Variants in CFTR observed in about 807,000 individuals in gnomAD.
CFTR encodes cystic fibrosis transmembrane conductance regulator.
Under a neutral mutation model 171.6 loss-of-function variants are expected in CFTR, and 181 were observed. The observed-to-expected ratio is 1.05, with a 90% CI of 0.93 to 1.19. The LOEUF is 1.19. Among genes scored for constraint, CFTR ranks in the 50% most tolerant of loss-of-function variants. CFTR has a pLI of 0.00. For missense variants in CFTR, 1,968 were observed against 1,734.7 expected (o/e 1.13, Z -2.39); for synonymous variants, 583 against 608.0 (o/e 0.96, Z 0.60).
chr7:117,566,815 C>T (rs970060991), intron 11 of CFTR, among the ~76,000 whole-genome samples: 1 of 152,194 alleles, frequency 6.6e-6, no homozygotes, highest in African/African-American at 2.4e-5. Context: ...CAACTTCACC[C>T]AGAGTTTGCA....
chr7:117,522,312 T>C (rs1001286721), intron 3 of CFTR, among the ~76,000 whole-genome samples: 1 of 152,232 alleles, frequency 6.6e-6, no homozygotes, highest in African/African-American at 2.4e-5. Context: ...TAATCAGAGA[T>C]GTTAGCACTG....
chr7:117,566,296 G>A lies in CFTR; in HGVS notation c.1584+6641G>A, dbSNP rs571682226. 2.8e-5 allele frequency among the ~76,000 whole-genome samples: 4 copies of A among 145,296 alleles called. No individual in the cohort carries two copies. In the South Asian group the frequency reaches 6.6e-4, roughly 24 times the overall value. Reference sequence around the variant, plus strand: ...ACACACACACACACACTAGCCAGGCGTGGTGGTGCACGTTTGTAGTCCAAG... The same window carrying A: ...ACACACACACACACACTAGCCAGGCATGGTGGTGCACGTTTGTAGTCCAAG... On this transcript the variant is annotated intron_variant, in intron 11 of 26. Coordinates refer to ENST00000003084, the MANE Select transcript of CFTR (RefSeq NM_000492.4).
At chr7:117,562,614 C>T (rs1273685198) in intron 11 of CFTR, among the ~76,000 whole-genome samples, 1 of 152,138 alleles carries the variant, frequency 6.6e-6, no homozygotes, top group African/African-American at 2.4e-5. Context: ...TTATGCCAGA[C>T]ACTATTCACT....
intron 1 of CFTR, among the ~76,000 whole-genome samples, chr7:117,483,780 C>A (rs1160684905): frequency 6.6e-6 from 1 of 151,828 alleles, no homozygotes; most frequent in Non-Finnish European, 1.5e-5. Context: ...CACTATGTTG[C>A]CCAGGCTGCT....
chr7:117,504,378 A>C lies in CFTR; in HGVS notation c.164+15A>C. 1.6e-6 allele frequency: 2 copies of C among 1,217,882 alleles called. No individual in the cohort carries two copies. The highest frequency in any genetic ancestry group is 2.4e-6 in the Non-Finnish European group (2 of 818,706). 75.4% of individuals were successfully genotyped at this position (1,217,882 alleles called of 1,614,324 possible). On this transcript the variant is annotated intron_variant, in intron 2 of 26. Transcript: ENST00000003084. ...AAATTGGAAAGGTATGTTCATGTAC[A>C]TTGTTTAGTTGAAGAGAGAAATTCA...
chr7:117,531,246 A>T, intron 4 of CFTR, 132 bp downstream of exon 4: 1 of 678,926 alleles, frequency 1.5e-6, no homozygotes, highest in Non-Finnish European at 2.6e-6. Flanking sequence ...CCTATTAAAT[A>T]AATGGCAGGA....
chr7:117,621,114 CAAAA>C (rs1186605161), intron 21 of CFTR, among the ~76,000 whole-genome samples: 1 of 151,976 alleles, frequency 6.6e-6, no homozygotes, highest in Non-Finnish European at 1.5e-5. Context: ...CAAAACAAAA[CAAAA>C]GAAAGCAAAA....
At chr7:117,493,788 A>T (rs1196780312) in intron 1 of CFTR, among the ~76,000 whole-genome samples, 1 of 152,084 alleles carries the variant, frequency 6.6e-6, no homozygotes, top group Non-Finnish European at 1.5e-5. Context: ...GTGGAAGAAA[A>T]AAGGGTTAAA....
chr7:117,570,011 T>C (rs534178458), intron 11 of CFTR, among the ~76,000 whole-genome samples: 1 of 151,924 alleles, frequency 6.6e-6, no homozygotes, highest in South Asian at 2.1e-4. Context: ...ATTAGGGTGA[T>C]ATATAGAGTG....
At chr7:117,568,166 A>T (rs929921032) in intron 11 of CFTR, among the ~76,000 whole-genome samples, 1 of 152,158 alleles carries the variant, frequency 6.6e-6, no homozygotes, top group East Asian at 1.9e-4. Flanking sequence ...GTATTACAGT[A>T]AGGTTGGAGT....
At chr7:117,639,428 A>G (rs1173305743) in intron 22 of CFTR, among the ~76,000 whole-genome samples, 1 of 152,156 alleles carries the variant, frequency 6.6e-6, no homozygotes, top group Non-Finnish European at 1.5e-5. Context: ...TTTTCCTCTC[A>G]AAATGCCTAC....
intron 3 of CFTR, among the ~76,000 whole-genome samples, chr7:117,525,898 G>T (rs1256635916): frequency 6.7e-6 from 1 of 150,256 alleles, no homozygotes; most frequent in Non-Finnish European, 1.5e-5. Flanking sequence ...AGTTAATATT[G>T]TTATGTGTGA....
At chr7:117,664,221 G>C (rs1442096811) in intron 24 of CFTR, among the ~76,000 whole-genome samples, 1 of 152,124 alleles carries the variant, frequency 6.6e-6, no homozygotes, top group Admixed American at 6.6e-5. Context: ...TAGCACCAAG[G>C]ATGATGTCAT....
intron 3 of CFTR, among the ~76,000 whole-genome samples, chr7:117,513,229 G>A (rs941294448): frequency 6.6e-5 from 10 of 152,062 alleles, no homozygotes; most frequent in Non-Finnish European, 1.2e-4. Context: ...CCATCTTGAG[G>A]TTACAGAAAG....
rs1554389296 is a variant in CFTR, at chr7:117,592,077, AG to A, written c.1911del (p.Gln637HisfsTer26). On this transcript the variant is annotated frameshift_variant, in exon 14 of 27. Transcript: ENST00000003084. LOFTEE classifies it high-confidence loss of function. ...YGTFSELQNL[Q>X]PDFSSKLMGC... ...ACATTTTCAGAACTCCAAAATCTAC[AG>A]CCAGACTTTAGCTCAAAACTCATGG... The A allele has an allele frequency of 1.2e-6, 2 of 1,612,674 alleles. No homozygotes were observed. Among genetic ancestry groups the A allele is most frequent in the South Asian group, 1.1e-5 (1 of 90,542 alleles).
intron 1 of CFTR, among the ~76,000 whole-genome samples, chr7:117,486,454 A>G (rs965994350): frequency 2.6e-5 from 4 of 152,154 alleles, no homozygotes; most frequent in Non-Finnish European, 5.9e-5. Flanking sequence ...CACTTAACCC[A>G]GTCTAAGGCT....
At chr7:117,489,497 T>C (rs1393424955) in intron 1 of CFTR, among the ~76,000 whole-genome samples, 1 of 152,012 alleles carries the variant, frequency 6.6e-6, no homozygotes. Flanking sequence ...CATGATAATA[T>C]CATATGTGGC....
chr7:117,649,734 A>C (rs960419354), intron 23 of CFTR, among the ~76,000 whole-genome samples: 5 of 152,066 alleles, frequency 3.3e-5, no homozygotes, highest in Non-Finnish European at 7.4e-5. Flanking sequence ...GTTATGGCCT[A>C]GTAGGAGATA....
At chr7:117,498,572 G>T (rs1562881014) in intron 1 of CFTR, among the ~76,000 whole-genome samples, 1 of 152,072 alleles carries the variant, frequency 6.6e-6, no homozygotes, top group Non-Finnish European at 1.5e-5. Flanking sequence ...AAATACATCT[G>T]ACTAAATAAC....
Sources: allele counts gnomAD v4.1 joint callset (sites outside exome capture counted in the v4.1 genomes callset), GRCh38; gene constraint gnomAD v4.1.1; transcripts MANE v1.5; gene names NCBI Gene and HGNC (gene_info 2026-07-23, HGNC 2026-07-21).